BAZ1A: variants seen among roughly 807,000 people sequenced by gnomAD.
BAZ1A encodes the protein bromodomain adjacent to zinc finger domain protein 1A.
In BAZ1A, 50 loss-of-function variants were observed where a neutral mutation model predicts 185.2. The observed-to-expected ratio is 0.27, with a 90% CI of 0.22 to 0.34. BAZ1A has a LOEUF of 0.34. Ranked by LOEUF, BAZ1A falls within the 10% of genes least tolerant of loss-of-function variation. BAZ1A has a pLI of 1.00. For missense variants in BAZ1A, 1,356 were observed against 1,839.9 expected, an observed-to-expected ratio of 0.74 and a Z score of 4.81; for synonymous variants, 571 against 615.6, an observed-to-expected ratio of 0.93 and a Z score of 1.07.
rs896963938 is a variant in BAZ1A at position 34,874,407 on chromosome 14, G to A, written c.113+85C>T. ...TTCAAGTCGCCCCGCCAGAAGCCCAGGGCGAGGAAAAGGAGAGAGACAAAA... is the reference window on the plus strand; with the variant it reads ...TTCAAGTCGCCCCGCCAGAAGCCCAAGGCGAGGAAAAGGAGAGAGACAAAA... On this transcript the variant is annotated intron_variant, in intron 2 of 26. Coordinates refer to ENST00000360310, the MANE Select transcript of BAZ1A (RefSeq NM_013448.3). This position sits in a 1 kb window ranked among gnomAD's most constrained non-coding sequence, Gnocchi z 4.7. 2 of 1,330,244 alleles carry A rather than the reference G, an allele frequency of 1.5e-6. No individual in the cohort carries two copies. Among genetic ancestry groups the A allele is most frequent in the Admixed American group, 1.8e-5 (1 of 54,760 alleles). 82.4% of individuals were successfully genotyped at this position (1,330,244 alleles called of 1,614,324 possible). A position where few individuals can be genotyped will look rare whatever the true frequency, so the allele number is the denominator to read the frequency against.
At chr14:34,764,650 T>C in intron 23 of BAZ1A, 57 bp downstream of exon 23, 6 of 1,546,366 alleles carry the variant, frequency 3.9e-6, no homozygotes, top group Non-Finnish European at 5.2e-6. Context: ...ATTTGAATAG[T>C]GGAGAAATTG....
rs374127673 is a variant in BAZ1A, at chr14:34,800,342, G to A, written c.1010C>T (p.Ala337Val). Residue 337 changes from alanine (A) to valine (V), a missense_variant, in exon 9 of 27, where the codon GCG becomes GTG. Coordinates refer to ENST00000360310, the MANE Select transcript of BAZ1A (RefSeq NM_013448.3). ...LKREKADALE[A>V]KKKEKEDKEK... ...TTTATCTTCTTTTTCTTTTTTCTTC[G>A]CTTCTAGGGCATCTGCTTTTTCTCT... is the stretch of plus-strand genomic sequence containing the variant. The A allele has an allele frequency of 2.8e-5, 41 of 1,488,630 alleles. No individual in the cohort carries two copies. The highest frequency in any genetic ancestry group is 2.5e-4 in the East Asian group (10 of 40,258). The allele number at this position is 1,488,630 out of a possible 1,614,324, so 92.2% of individuals were successfully genotyped here.
At chr14:34,841,954 A>G (rs554486146) in intron 3 of BAZ1A, among the ~76,000 whole-genome samples, 4 of 152,268 alleles carry the variant, frequency 2.6e-5, no homozygotes, top group African/African-American at 9.6e-5. Context: ...ATTTTAAAAA[A>G]TTTTTTATGT....
intron 2 of BAZ1A, among the ~76,000 whole-genome samples, chr14:34,866,942 C>T (rs1224283953): frequency 6.9e-6 from 1 of 144,196 alleles, no homozygotes; most frequent in Non-Finnish European, 1.5e-5. Context: ...AATTAAGATA[C>T]TTTACTTACA....
chr14:34,834,118 G>C (rs1034648522), intron 3 of BAZ1A, among the ~76,000 whole-genome samples: 1 of 152,138 alleles, frequency 6.6e-6, no homozygotes, highest in African/African-American at 2.4e-5. Flanking sequence ...TTAGTAACAT[G>C]AGCTGTAAAA....
rs2043017771 is a variant in BAZ1A at position 34,874,849 on chromosome 14, G to GC, written c.-58-188dup. 4.9e-6 allele frequency: 2 copies of GC among 411,302 alleles called. No individual in the cohort carries two copies. Among genetic ancestry groups the GC allele is most frequent in the Non-Finnish European group, 8.6e-6 (2 of 231,268 alleles). The allele number at this position is 411,302 out of a possible 1,614,324, so 25.5% of individuals were successfully genotyped here. A position where few individuals can be genotyped will look rare whatever the true frequency, so the allele number is the denominator to read the frequency against. On this transcript the variant is annotated intron_variant, in intron 1 of 26. Coordinates refer to ENST00000360310, the MANE Select transcript of BAZ1A (RefSeq NM_013448.3). The surrounding 1 kb of genome is among the most constrained non-coding windows in gnomAD (Gnocchi z 4.7). ...AGCGAGCGGAGCCGCCGCCGCCCCT[G>GC]CCCCCCGAGCGCGCCCTACCTCCTC...
At chr14:34,863,582 A>G (rs2042806760) in intron 2 of BAZ1A, among the ~76,000 whole-genome samples, 1 of 152,186 alleles carries the variant, frequency 6.6e-6, no homozygotes, top group Non-Finnish European at 1.5e-5. Context: ...CTGGGATTAC[A>G]GGCGTGAGCC....
At chr14:34,832,228 A>ATATATATATATATATATATATG (rs1437244262) in intron 3 of BAZ1A, among the ~76,000 whole-genome samples, 3 of 143,372 alleles carry the variant, frequency 2.1e-5, no homozygotes, top group African/African-American at 7.7e-5. Context: ...ATATATATAT[A>ATATATATATATATATATATATG]TATGTATGTA....
chr14:34,822,671 C>T (rs184696045), intron 4 of BAZ1A, among the ~76,000 whole-genome samples: 1 of 152,200 alleles, frequency 6.6e-6, no homozygotes, highest in Admixed American at 6.5e-5. Flanking sequence ...TTTCTCATAT[C>T]AAGGGTCTAT....
Position 34,786,008 on chromosome 14 carries a change from T to C in BAZ1A, c.1607-7A>G, listed in dbSNP as rs752154407. The C allele has an allele frequency of 6.2e-7, 1 of 1,611,100 alleles. No homozygotes were observed. The highest frequency in any genetic ancestry group is 8.5e-7 in the Non-Finnish European group (1 of 1,178,154). ...AAACTTTTCAAACTGCAGCCTATAG[T>C]TGTTAAAAATGAAATAGTCATTTAG... On this transcript the variant is annotated splice_polypyrimidine_tract_variant and splice_region_variant and intron_variant, in intron 13 of 26. Transcript: ENST00000360310.
At chr14:34,779,555 C>T (rs921511925) in intron 17 of BAZ1A, among the ~76,000 whole-genome samples, 1 of 151,652 alleles carries the variant, frequency 6.6e-6, no homozygotes, top group South Asian at 2.1e-4. Context: ...AAAAAAAATA[C>T]AGAAAAAAAG....
intron 12 of BAZ1A, among the ~76,000 whole-genome samples, 186 bp downstream of exon 12, chr14:34,792,589 A>G (rs1880922859): frequency 6.6e-6 from 1 of 152,230 alleles, no homozygotes; most frequent in Non-Finnish European, 1.5e-5. Context: ...TGTCAGACAC[A>G]GGTTATATCA....
At chr14:34,829,734 T>TA (rs1374914798) in intron 3 of BAZ1A, among the ~76,000 whole-genome samples, 2 of 152,172 alleles carry the variant, frequency 1.3e-5, no homozygotes, top group Non-Finnish European at 2.9e-5. Context: ...ACCCCCTTAC[T>TA]AAAAAATTCC....
chr14:34,791,124 A>G (rs1275515949), intron 12 of BAZ1A, among the ~76,000 whole-genome samples: 1 of 138,554 alleles, frequency 7.2e-6, no homozygotes, highest in African/African-American at 2.7e-5. Flanking sequence ...CTCTGTCTCA[A>G]AAAAGAAAAG....
intron 3 of BAZ1A, among the ~76,000 whole-genome samples, chr14:34,840,796 C>A (rs961656271): frequency 6.8e-5 from 9 of 132,658 alleles, no homozygotes; most frequent in Non-Finnish European, 1.3e-4. Flanking sequence ...AACAAACAAA[C>A]AAAAAACTTA....
chr14:34,769,605 T>C (rs1010824770), intron 21 of BAZ1A, among the ~76,000 whole-genome samples: 1 of 152,200 alleles, frequency 6.6e-6, no homozygotes. Flanking sequence ...AACAATTAAT[T>C]TGATTTTCCC....
intron 20 of BAZ1A, 82 bp downstream of exon 20, chr14:34,773,490 T>C (rs933240122): frequency 2.5e-6 from 3 of 1,210,922 alleles, no homozygotes; most frequent in Admixed American, 5.9e-5. Flanking sequence ...AAGCAACATA[T>C]TTACTTAAAA....
rs2043014255 is a variant in BAZ1A at position 34,874,700 on chromosome 14, G to C, written c.-58-38C>G. Reference sequence around the variant, plus strand: ...GAGGGAAAGGAAAGCCGGTAAGGTGGGGAGCCCTCGGCGGCAGCGTGGGCC... The same window carrying C: ...GAGGGAAAGGAAAGCCGGTAAGGTGCGGAGCCCTCGGCGGCAGCGTGGGCC... On this transcript the variant is annotated intron_variant, in intron 1 of 26. Transcript: ENST00000360310. The surrounding 1 kb of genome is among the most constrained non-coding windows in gnomAD (Gnocchi z 4.7). 2 of 1,067,888 alleles carry C rather than the reference G, an allele frequency of 1.9e-6. No homozygotes were observed. Among genetic ancestry groups the C allele is most frequent in the Admixed American group, 5.6e-5 (2 of 35,830 alleles). The allele number at this position is 1,067,888 out of a possible 1,614,324, so 66.2% of individuals were successfully genotyped here. A position where few individuals can be genotyped will look rare whatever the true frequency, so the allele number is the denominator to read the frequency against.
chr14:34,768,813 T>C (rs1879024081), intron 21 of BAZ1A: 1 of 396,682 alleles, frequency 2.5e-6, no homozygotes, highest in Non-Finnish European at 4.9e-6. Flanking sequence ...AGTTGAAGAT[T>C]TTTTTTTCAT....
Sources: allele counts gnomAD v4.1 joint callset (sites outside exome capture counted in the v4.1 genomes callset), GRCh38; gene constraint gnomAD v4.1.1; non-coding constraint Gnocchi (gnomAD v3.1); transcripts MANE v1.5; gene names NCBI Gene and HGNC (gene_info 2026-07-23, HGNC 2026-07-21).